The following COL3A1 variants were observed in gnomAD, a reference collection of about 807,000 sequenced individuals.
The protein encoded by COL3A1 is collagen alpha-1(III) chain.
A neutral mutation model predicts 200.9 loss-of-function variants in COL3A1; 46 were observed. The ratio of observed to expected loss-of-function variants is 0.23; its 90% confidence interval spans 0.18 to 0.29. COL3A1 has a LOEUF of 0.29. Among genes scored for constraint, COL3A1 ranks in the 10% least tolerant of loss-of-function variants. The probability of loss-of-function intolerance (pLI) is 1.00; values close to 1 mark genes in which losing one functional copy is unlikely to be tolerated. For synonymous variants in COL3A1, 650 were observed against 628.0 expected (o/e 1.03, Z -0.52); for missense variants, 1,367 against 1,917.6 (o/e 0.71, Z 5.36).
At chr2:189,008,744 G>A in intron 47 of COL3A1, 180 bp from the exon 48 acceptor site, 1 of 646,580 alleles carries the variant, frequency 1.5e-6, no homozygotes, top group South Asian at 1.9e-5. Context: ...ATAATGAATT[G>A]TAGTTATTAT....
At chr2:188,991,302 T>C (rs1688183386) in intron 11 of COL3A1, among the ~76,000 whole-genome samples, 185 bp from the exon 12 acceptor site, 1 of 152,156 alleles carries the variant, frequency 6.6e-6, no homozygotes, top group African/African-American at 2.4e-5. Flanking sequence ...TTCACTTTAG[T>C]CTTTAAGTTT....
intron 10 of COL3A1, 70 bp from the exon 11 acceptor site, chr2:188,990,934 G>A (rs767475514): frequency 2.0e-6 from 3 of 1,502,250 alleles, no homozygotes; most frequent in Admixed American, 3.3e-5. Context: ...AAAATACCAT[G>A]TAAACTTTAT....
chr2:188,999,817 G>C (rs1688416552), intron 31 of COL3A1, 25 bp from the exon 32 acceptor site: 6 of 1,586,792 alleles, frequency 3.8e-6, no homozygotes, highest in Non-Finnish European at 5.1e-6. Context: ...CTTTGAATCT[G>C]ATGACATTGG....
intron 7 of COL3A1, among the ~76,000 whole-genome samples, 168 bp downstream of exon 7, chr2:188,988,811 A>G (rs988065775): frequency 6.6e-6 from 1 of 152,032 alleles, no homozygotes; most frequent in African/African-American, 2.4e-5. Context: ...TTCAATTGTT[A>G]GCTATCTTAG....
At chr2:188,978,045 TCA>T in intron 1 of COL3A1, 1 of 390,974 alleles carries the variant, frequency 2.6e-6, no homozygotes, top group South Asian at 1.9e-5. Context: ...AGAAAAATGC[TCA>T]GGTAATAACA....
At chr2:188,974,919 G>A (rs74729314) in intron 1 of COL3A1, among the ~76,000 whole-genome samples, 8,379 of 152,106 alleles carry the variant, frequency 0.055, 270 homozygotes, top group Middle Eastern at 0.082. Context: ...TTGGTCTCTT[G>A]CAATAATTTT....
intron 23 of COL3A1, 56 bp downstream of exon 23, chr2:188,996,234 G>A: frequency 6.8e-7 from 1 of 1,468,928 alleles, no homozygotes; most frequent in Non-Finnish European, 9.5e-7. Context: ...GAATGTATAT[G>A]TTGGCCTATC....
intron 1 of COL3A1, among the ~76,000 whole-genome samples, chr2:188,983,549 G>A (rs1262637554): frequency 1.3e-5 from 2 of 151,946 alleles, no homozygotes; most frequent in Non-Finnish European, 2.9e-5. Flanking sequence ...TCGAAAAGGT[G>A]ATCTTTTGTG....
intron 47 of COL3A1, chr2:189,008,369 C>T (rs555477728): frequency 1.8e-6 from 1 of 557,910 alleles, no homozygotes; most frequent in East Asian, 3.2e-5. Flanking sequence ...TCCATCGTAT[C>T]AGAATAATGA....
chr2:188,995,175 A>G, intron 21 of COL3A1, 76 bp downstream of exon 21: 2 of 1,359,048 alleles, frequency 1.5e-6, no homozygotes, highest in South Asian at 1.2e-5. Context: ...TTTCTCATTC[A>G]TGAAAACCTA....
At chr2:188,987,814 G>A (rs565752172) in intron 5 of COL3A1, among the ~76,000 whole-genome samples, 3 of 151,972 alleles carry the variant, frequency 2.0e-5, no homozygotes, top group Non-Finnish European at 2.9e-5. Flanking sequence ...AGTTTTTCCA[G>A]ATTTTTAATT....
At chr2:189,000,234 ACTC>A (rs1688426710) in intron 32 of COL3A1, among the ~76,000 whole-genome samples, 1 of 152,134 alleles carries the variant, frequency 6.6e-6, no homozygotes, top group African/African-American at 2.4e-5. Context: ...TATAGTAAGT[ACTC>A]CTCATTAATA....
chr2:188,994,271 G>T lies in COL3A1; in HGVS notation c.1232G>T (p.Gly411Val). 6.2e-7 allele frequency: 1 copy of T among 1,614,000 alleles called. No individual in the cohort carries two copies. The highest frequency in any genetic ancestry group is 8.5e-7 in the Non-Finnish European group (1 of 1,179,992). Residue 411 changes from glycine (G) to valine (V), a missense_variant, in exon 18 of 51, where the codon GGA becomes GTA. Physicochemically the swap from Gly to Val is moderately radical, Grantham distance 109. This residue lies in a region of COL3A1 where 462 missense variants were observed against 681.4 expected (regional missense o/e 0.68). Transcript: ENST00000304636. The surrounding 1 kb of genome is among the most constrained non-coding windows in gnomAD (Gnocchi z 4.5). ...ATTCCTGGAGCTCCTGGACTGATGG[G>T]AGCCCGGGGTCCTCCAGGACCAGCC... ...AGIPGAPGLMGARGPPGPAGA... is the reference protein window; with the variant it reads ...AGIPGAPGLMVARGPPGPAGA...
intron 49 of COL3A1, 136 bp from the exon 50 acceptor site, chr2:189,010,512 A>C: frequency 6.7e-7 from 1 of 1,485,964 alleles, no homozygotes; most frequent in Non-Finnish European, 9.3e-7. Context: ...CAATAAAAAT[A>C]TTTTCACACA....
At chr2:188,988,026 A>G in intron 5 of COL3A1, 55 bp from the exon 6 acceptor site, 1 of 1,325,274 alleles carries the variant, frequency 7.5e-7, no homozygotes, top group Non-Finnish European at 1.1e-6. Flanking sequence ...TGAAGCATGG[A>G]TAAAGTGTAT....
At chr2:189,009,472 G>A (rs1157922927) in intron 48 of COL3A1, among the ~76,000 whole-genome samples, 3 of 135,082 alleles carry the variant, frequency 2.2e-5, no homozygotes, top group African/African-American at 5.6e-5. Flanking sequence ...TAAATTGTAA[G>A]TTATTTGAGT....
At chr2:188,995,586 CT>C in intron 21 of COL3A1, 105 bp from the exon 22 acceptor site, 1 of 763,094 alleles carries the variant, frequency 1.3e-6, no homozygotes. Flanking sequence ...CACACGAACC[CT>C]TTTTAAAAGT....
Position 189,008,081 on chromosome 2 carries a change from G to A in COL3A1, c.3464G>A (p.Gly1155Glu). 6.2e-7 allele frequency: 1 copy of A among 1,614,016 alleles called. No homozygotes were observed. The highest frequency in any genetic ancestry group is 8.5e-7 in the Non-Finnish European group (1 of 1,179,936). The change falls in exon 47 of 51, where the codon GGA becomes GAA. Residue 1155 changes from glycine (G) to glutamate (E), a missense_variant. By Grantham distance (98) the Gly-to-Glu change is moderately conservative. Coordinates refer to ENST00000304636, the MANE Select transcript of COL3A1 (RefSeq NM_000090.4). The stretch of plus-strand genomic sequence containing the variant: ...CCTCCTGGCAAAGATGGAACCAGTG[G>A]ACATCCAGGTCCCATTGGACCACCA... ...SGPPGKDGTS[G>E]HPGPIGPPGP...
chr2:188,985,862 AT>A lies in COL3A1; in HGVS notation c.447+86del. ...TCTTTACTCGATATTACGTCTCACT[AT>A]TATGAGTTCTTTGTATCTGTTCTCT... On this transcript the variant is annotated intron_variant, in intron 4 of 50. Transcript: ENST00000304636. 4.5e-6 allele frequency: 4 copies of A among 898,026 alleles called. No individual in the cohort carries two copies. In the South Asian group the frequency reaches 5.6e-5, roughly 13 times the overall value. The allele number at this position is 898,026 out of a possible 1,614,324, so 55.6% of individuals were successfully genotyped here. A position where few individuals can be genotyped will look rare whatever the true frequency, so the allele number is the denominator to read the frequency against.
Sources: gnomAD v4.1 joint callset for allele counts (sites outside exome capture counted in the v4.1 genomes callset) on GRCh38, gnomAD v4.1.1 for gene constraint, gnomAD v4.1.1 regional missense constraint, Gnocchi (gnomAD v3.1) non-coding constraint, MANE v1.5 for transcripts, NCBI Gene and HGNC (gene_info 2026-07-23, HGNC 2026-07-21) for gene names.